CPAMD8: variants seen among roughly 807,000 people sequenced by gnomAD.
CPAMD8 encodes C3 and PZP like alpha-2-macroglobulin domain containing 8, also known as C3 and PZP-like alpha-2-macroglobulin domain-containing protein 8.
In CPAMD8, 146 loss-of-function variants were observed where a neutral mutation model predicts 224.7. That is an observed-to-expected ratio of 0.65 (90% confidence interval 0.57 to 0.75). The LOEUF (loss-of-function observed/expected upper bound fraction) is 0.75. Among genes scored for constraint, CPAMD8 ranks in the 30% least tolerant of loss-of-function variants. The pLI is 0.00. For synonymous variants in CPAMD8, 966 were observed against 1,044.6 expected, an observed-to-expected ratio of 0.92 and a Z score of 1.45; for missense variants, 2,301 against 2,537.5, an observed-to-expected ratio of 0.91 and a Z score of 2.00.
intron 18 of CPAMD8, among the ~76,000 whole-genome samples, chr19:16,961,410 T>G (rs1335494230): frequency 6.6e-6 from 1 of 152,262 alleles, no homozygotes; most frequent in Non-Finnish European, 1.5e-5. Flanking sequence ...CCTTGCTCAC[T>G]GCTAGCACAG....
At chr19:16,986,594 A>G (rs1369766414) in intron 13 of CPAMD8, among the ~76,000 whole-genome samples, 2 of 152,164 alleles carry the variant, frequency 1.3e-5, no homozygotes, top group Non-Finnish European at 2.9e-5. Flanking sequence ...AATCCCAGGA[A>G]ACAGGCAGCC....
chr19:16,925,497 A>T (rs1337753212), intron 25 of CPAMD8, 125 bp from the exon 26 acceptor site: 2 of 733,084 alleles, frequency 2.7e-6, no homozygotes, highest in African/African-American at 3.5e-5. Flanking sequence ...GCCCTTTGGG[A>T]CTGGCACCCT....
Position 16,928,814 on chromosome 19 carries a change from T to G in CPAMD8, c.3144+128A>C, listed in dbSNP as rs184191811. The G allele has an allele frequency of 6.0e-4, 420 of 701,350 alleles. 2 individuals are homozygous for G. The African/African-American group carries it at 7.0e-3, about 12-fold the overall frequency. The allele number at this position is 701,350 out of a possible 1,614,324, so 43.4% of individuals were successfully genotyped here. A position where few individuals can be genotyped will look rare whatever the true frequency, so the allele number is the denominator to read the frequency against. On this transcript the variant is annotated intron_variant, in intron 24 of 41. Transcript: ENST00000443236. ...AAGCGACTCTAGACTAAGAACAACT[T>G]GAGGTGGTGCTCCATGTTTCCCTTG...
intron 1 of CPAMD8, among the ~76,000 whole-genome samples, chr19:17,025,506 T>C (rs536662756): frequency 1.3e-5 from 2 of 152,304 alleles, no homozygotes; most frequent in Middle Eastern, 3.4e-3. Flanking sequence ...AGGTCTGTCA[T>C]GTGGGGCCGC....
Position 16,903,570 on chromosome 19 carries a change from G to T in CPAMD8, c.4461C>A (p.Cys1487Ter). 4 of 1,614,082 alleles carry T rather than the reference G, an allele frequency of 2.5e-6. No individual in the cohort carries two copies. The highest frequency in any genetic ancestry group is 3.4e-6 in the Non-Finnish European group (4 of 1,180,014). Residue 1487 changes from cysteine to a stop codon, truncating the protein, a stop_gained, in exon 34 of 42, where the codon TGC becomes TGA. Coordinates refer to ENST00000443236, the MANE Select transcript of CPAMD8 (RefSeq NM_015692.5). LOFTEE classifies it high-confidence loss of function. ...CTCCCCAAAACCTCACCTGCATCAG[G>T]CAGCAGCCGTCCCCCTTGGCACTCA... ...LFVSAKGDGC[C>*]LMQIDVTYNV...
chr19:16,975,696 A>C (rs2055243710), intron 16 of CPAMD8, among the ~76,000 whole-genome samples: 1 of 152,144 alleles, frequency 6.6e-6, no homozygotes, highest in Admixed American at 6.6e-5. Context: ...CAACAGAGCA[A>C]CATCCCAACT....
intron 19 of CPAMD8, among the ~76,000 whole-genome samples, chr19:16,954,910 C>T (rs1057277297): frequency 6.6e-6 from 1 of 152,162 alleles, no homozygotes; most frequent in Admixed American, 6.5e-5. Flanking sequence ...GGGCGGATCA[C>T]GAGGTCAGGA....
At chr19:16,934,387 C>T (rs1423553199) in intron 23 of CPAMD8, among the ~76,000 whole-genome samples, 1 of 152,014 alleles carries the variant, frequency 6.6e-6, no homozygotes, top group African/African-American at 2.4e-5. Context: ...TAAATATGTT[C>T]ATAAAAGTGT....
At chr19:16,962,038 A>G (rs2054675675) in intron 18 of CPAMD8, among the ~76,000 whole-genome samples, 1 of 152,228 alleles carries the variant, frequency 6.6e-6, no homozygotes, top group South Asian at 2.1e-4. Flanking sequence ...TCTGTAGGTT[A>G]CCAGCATCAA....
chr19:16,898,475 T>A lies in CPAMD8; in HGVS notation c.4849-481A>T, dbSNP rs917375382. On this transcript the variant is annotated intron_variant, in intron 37 of 41. Transcript: ENST00000443236. The surrounding 1 kb of genome is among the most constrained non-coding windows in gnomAD (Gnocchi z 4.2). ...GCCTCTGAAACACCACTCCTTTTTG[T>A]GTGTGTGCACGCATGGCTGAGCATG... Among the ~76,000 whole-genome samples, 4 of 152,138 alleles carry A rather than the reference T, an allele frequency of 2.6e-5. No individual in the cohort carries two copies. Among genetic ancestry groups the A allele is most frequent in the Non-Finnish European group, 5.9e-5 (4 of 68,026 alleles).
chr19:16,895,789 C>T (rs1417064386), intron 41 of CPAMD8: 3 of 417,396 alleles, frequency 7.2e-6, no homozygotes, highest in Non-Finnish European at 1.5e-5. Flanking sequence ...CCTTAGCTAA[C>T]TATATAATGC....
chr19:16,923,415 C>G (rs144488195), intron 26 of CPAMD8, among the ~76,000 whole-genome samples: 63 of 152,200 alleles, frequency 4.1e-4, no homozygotes, highest in Middle Eastern at 3.4e-3. Flanking sequence ...GAAAGAAGGA[C>G]GAATCTGAGG....
At chr19:16,979,051 C>T (rs938182477) in intron 14 of CPAMD8, among the ~76,000 whole-genome samples, 1 of 150,934 alleles carries the variant, frequency 6.6e-6, no homozygotes, top group Non-Finnish European at 1.5e-5. Context: ...ACCCACCCCA[C>T]TATCCATCCA....
In CPAMD8 at chr19:16,993,460, C is replaced by A. The variant is rs2122935936; in HGVS notation, c.1222G>T (p.Glu408Ter). 6.2e-7 allele frequency: 1 copy of A among 1,613,868 alleles called. No individual in the cohort carries two copies. The highest frequency in any genetic ancestry group is 8.5e-7 in the Non-Finnish European group (1 of 1,179,814). The change falls in exon 12 of 42, where the codon GAA becomes TAA. Residue 408 changes from glutamate (E) to a stop codon, truncating the protein, a stop_gained. Coordinates refer to ENST00000443236, the MANE Select transcript of CPAMD8 (RefSeq NM_015692.5). LOFTEE classifies it high-confidence loss of function. ...GCTGACGTGGGGATGGAGGGGATTT[C>A]AAACCCCACTAGTCCACGCTGGGAC... The part of the protein sequence containing the change: ...VVSQRGLVGF[E>*]IPSIPTSAQH...
At chr19:16,904,176 A>ACCCCCCCCCCCCCCCCCCGTG in intron 32 of CPAMD8, 50 bp downstream of exon 32, 1 of 937,340 alleles carries the variant, frequency 1.1e-6, no homozygotes, top group Non-Finnish European at 1.7e-6. Context: ...GACTGCAGGG[A>ACCCCCCCCCCCCCCCCCCGTG]CCCCACCCAC....
intron 23 of CPAMD8, 108 bp from the exon 24 acceptor site, chr19:16,929,348 T>C (rs2053477904): frequency 1.2e-6 from 1 of 832,024 alleles, no homozygotes; most frequent in Non-Finnish European, 1.9e-6. Context: ...TGGGTCTCAC[T>C]GTGACTCGGC....
intron 29 of CPAMD8, among the ~76,000 whole-genome samples, chr19:16,908,833 C>T (rs2052617636): frequency 6.6e-6 from 1 of 152,166 alleles, no homozygotes. Context: ...CTGGCCCTCA[C>T]AAGTCCATTG....
At chr19:16,950,986 G>C (rs1228303713) in intron 20 of CPAMD8, among the ~76,000 whole-genome samples, 3 of 152,008 alleles carry the variant, frequency 2.0e-5, no homozygotes, top group Non-Finnish European at 2.9e-5. Flanking sequence ...AAGGAGACTA[G>C]GACAGCAGCC....
chr19:17,021,611 G>A (rs763325181), intron 2 of CPAMD8, among the ~76,000 whole-genome samples: 12 of 152,218 alleles, frequency 7.9e-5, no homozygotes, highest in Non-Finnish European at 1.2e-4. Flanking sequence ...GACTGGCTGA[G>A]GGCCTGAGCT....
Sources: allele counts gnomAD v4.1 joint callset (sites outside exome capture counted in the v4.1 genomes callset), GRCh38; gene constraint gnomAD v4.1.1; non-coding constraint Gnocchi (gnomAD v3.1); transcripts MANE v1.5; gene names NCBI Gene and HGNC (gene_info 2026-07-23, HGNC 2026-07-21).